HNF4G: variants seen among roughly 807,000 people sequenced by gnomAD.
The protein encoded by HNF4G is hepatocyte nuclear factor 4 gamma.
In HNF4G, 21 loss-of-function variants were observed where a neutral mutation model predicts 50.9. That is an observed-to-expected ratio of 0.41 (90% CI 0.29 to 0.59). The LOEUF (loss-of-function observed/expected upper bound fraction) is 0.59, where lower values mean the gene tolerates loss of function less well. Among genes scored for constraint, HNF4G ranks in the 20% least tolerant of loss-of-function variants. The pLI is 0.26. For missense variants in HNF4G, 527 were observed against 559.4 expected (o/e 0.94, Z 0.58); for synonymous variants, 198 against 185.6 (o/e 1.07, Z -0.54).
intron 1 of HNF4G, 115 bp downstream of exon 1, chr8:75,540,195 T>C (rs1806576061): frequency 1.6e-6 from 1 of 625,118 alleles, no homozygotes; most frequent in East Asian, 2.8e-5. Flanking sequence ...AGTTTAGGGC[T>C]TGCTTTTAAG....
chr8:75,456,220 A>G (rs1252064675), intron 1 of HNF4G, among the ~76,000 whole-genome samples: 1 of 152,162 alleles, frequency 6.6e-6, no homozygotes, highest in Non-Finnish European at 1.5e-5. Context: ...AAAATTCGAC[A>G]TAATATTTAT....
intron 1 of HNF4G, among the ~76,000 whole-genome samples, chr8:75,454,085 C>T (rs968099309): frequency 3.4e-5 from 5 of 147,914 alleles, no homozygotes; most frequent in African/African-American, 1.2e-4. Context: ...CTCCCTCCCT[C>T]CCTCCCTCTC....
intron 2 of HNF4G, among the ~76,000 whole-genome samples, chr8:75,522,131 C>G (rs1424471037): frequency 6.6e-6 from 1 of 152,158 alleles, no homozygotes; most frequent in Non-Finnish European, 1.5e-5. Flanking sequence ...ATGACAAAAG[C>G]TGTATTCATT....
chr8:75,466,134 AT>A (rs1311000340), intron 1 of HNF4G, among the ~76,000 whole-genome samples: 1 of 152,160 alleles, frequency 6.6e-6, no homozygotes, highest in African/African-American at 2.4e-5. Flanking sequence ...AAATGCAAAT[AT>A]GTTTCTGAGA....
chr8:75,515,724 C>G lies in HNF4G; in HGVS notation c.-24+25516C>G, dbSNP rs140461435. ...CTGACTTTTTCTTCTATTTGGGGCC[C>G]TCAAAGGATTGGATAATGACCACTG... On this transcript the variant is annotated intron_variant, in intron 2 of 10. Transcript: ENST00000354370. 1.6e-4 allele frequency among the ~76,000 whole-genome samples: 24 copies of G among 151,726 alleles called. No individual in the cohort carries two copies. The East Asian group carries it at 4.7e-3, about 29-fold the overall frequency.
At chr8:75,430,495 AGAGAGAGG>A (rs948346609) in intron 1 of HNF4G, among the ~76,000 whole-genome samples, 1 of 145,982 alleles carries the variant, frequency 6.9e-6, no homozygotes, top group African/African-American at 2.6e-5. Flanking sequence ...AGAGAGAGAG[AGAGAGAGG>A]GAGAGAGAGA....
intron 1 of HNF4G, among the ~76,000 whole-genome samples, chr8:75,475,761 C>T (rs964492295): frequency 6.6e-6 from 1 of 151,902 alleles, no homozygotes; most frequent in African/African-American, 2.4e-5. Flanking sequence ...AGAAAATGCC[C>T]AGTTCCCAGC....
chr8:75,473,627 C>T lies in HNF4G; in HGVS notation c.-143-16462C>T, dbSNP rs375551781. Among the ~76,000 whole-genome samples, 22 of 152,278 alleles carry T rather than the reference C, an allele frequency of 1.4e-4. No individual in the cohort carries two copies. In the East Asian group the frequency reaches 2.3e-3, roughly 16 times the overall value. ...TTTAGCTATTAAAGAATTACAGGGA[C>T]TCCACTTCACCTCCTGACTGTCTCC... On this transcript the variant is annotated intron_variant, in intron 1 of 10. Transcript: ENST00000354370.
At chr8:75,408,950 T>G (rs1810427866) in intron 1 of HNF4G, among the ~76,000 whole-genome samples, 1 of 152,224 alleles carries the variant, frequency 6.6e-6, no homozygotes, top group Non-Finnish European at 1.5e-5. Flanking sequence ...CCTTCTCTCT[T>G]TAGAAGCGGT....
At chr8:75,499,878 C>T (rs866925346) in intron 2 of HNF4G, among the ~76,000 whole-genome samples, 2 of 151,912 alleles carry the variant, frequency 1.3e-5, no homozygotes, top group African/African-American at 4.8e-5. Flanking sequence ...ACATAACATA[C>T]AAAAATTAAC....
At chr8:75,537,499 G>A (rs1485749669), upstream of HNF4G, among the ~76,000 whole-genome samples, 1 of 152,054 alleles carries the variant, frequency 6.6e-6, no homozygotes, top group African/African-American at 2.4e-5. Context: ...ACTTGCCTTG[G>A]CCTACCAAAG....
intron 2 of HNF4G, among the ~76,000 whole-genome samples, chr8:75,510,554 T>C (rs35872905): frequency 0.05 from 7,610 of 152,258 alleles, 265 homozygotes; most frequent in Non-Finnish European, 0.072. Context: ...TTAAACTATA[T>C]TTTTACTGCA....
At position 75,564,341 on chromosome 8, in the gene HNF4G, C is replaced by T. The variant is rs532664163; in HGVS notation, c.*245C>T. On this transcript the variant is annotated 3_prime_UTR_variant, in exon 10 of 10. Transcript: ENST00000396423. ...TTATATAGGGTATTTTTTCCAACTG[C>T]CCCTGCATTGTGCCTGAACCAATTG... The T allele has an allele frequency of 1.3e-5, 5 of 381,828 alleles. No homozygotes were observed. Among genetic ancestry groups the T allele is most frequent in the African/African-American group, 6.2e-5 (3 of 48,468 alleles). 23.7% of individuals were successfully genotyped at this position (381,828 alleles called of 1,614,324 possible). A position where few individuals can be genotyped will look rare whatever the true frequency, so the allele number is the denominator to read the frequency against.
At chr8:75,488,104 G>T (rs1030896882) in intron 1 of HNF4G, among the ~76,000 whole-genome samples, 13 of 152,088 alleles carry the variant, frequency 8.5e-5, no homozygotes, top group Non-Finnish European at 1.5e-4. Context: ...ATGAGATTTG[G>T]GTGGGGACAC....
chr8:75,489,648 CA>C (rs1479803795), intron 1 of HNF4G, among the ~76,000 whole-genome samples: 1 of 152,160 alleles, frequency 6.6e-6, no homozygotes, highest in Non-Finnish European at 1.5e-5. Flanking sequence ...TTTTATAAGA[CA>C]CTTCAAAAAA....
intron 1 of HNF4G, chr8:75,485,651 C>T (rs988245898): frequency 6.6e-6 from 1 of 152,122 alleles, no homozygotes; most frequent in Non-Finnish European, 1.5e-5. Context: ...TTATTTATTT[C>T]AAACTTCAAT....
chr8:75,551,332 A>T, intron 3 of HNF4G, 56 bp from the exon 4 acceptor site: 1 of 983,638 alleles, frequency 1.0e-6, no homozygotes, highest in Non-Finnish European at 1.6e-6. Context: ...TAAAATCTAT[A>T]TTCTAACATA....
intron 1 of HNF4G, among the ~76,000 whole-genome samples, chr8:75,466,521 C>A (rs1373890943): frequency 6.6e-6 from 1 of 150,624 alleles, no homozygotes; most frequent in Admixed American, 6.6e-5. Flanking sequence ...TCCCTCCCTC[C>A]TTTCCTTCCT....
At chr8:75,538,496 T>C (rs1201930121), upstream of HNF4G, among the ~76,000 whole-genome samples, 5 of 152,204 alleles carry the variant, frequency 3.3e-5, no homozygotes, top group Admixed American at 6.5e-5. Flanking sequence ...AGTTATTTCA[T>C]AGATTAGAAA....
Sources: allele counts gnomAD v4.1 joint callset (sites outside exome capture counted in the v4.1 genomes callset), GRCh38; gene constraint gnomAD v4.1.1; transcripts MANE v1.5; gene names NCBI Gene and HGNC (gene_info 2026-07-23, HGNC 2026-07-21).